BNC1: variants seen among roughly 807,000 people sequenced by gnomAD.
The protein encoded by BNC1 is zinc finger protein basonuclin-1.
A neutral mutation model predicts 66.5 loss-of-function variants in BNC1; 8 were observed. That is an observed-to-expected ratio of 0.12 (90% CI 0.07 to 0.22). The LOEUF (loss-of-function observed/expected upper bound fraction) is 0.22, where lower values mean the gene tolerates loss of function less well. Ranked by LOEUF, BNC1 falls within the 10% of genes least tolerant of loss-of-function variation. The probability of loss-of-function intolerance (pLI) is 1.00; values close to 1 mark genes in which losing one functional copy is unlikely to be tolerated. For missense variants in BNC1, 1,069 were observed against 1,241.3 expected (o/e 0.86, Z 2.09); for synonymous variants, 454 against 452.6 (o/e 1.00, Z -0.04).
At chr15:83,283,930 A>G (rs1052893402) in intron 1 of BNC1, among the ~76,000 whole-genome samples, 1 of 151,960 alleles carries the variant, frequency 6.6e-6, no homozygotes, top group African/African-American at 2.4e-5. Flanking sequence ...GTTGCTCTAC[A>G]AAAGATTTGT....
intron 1 of BNC1, among the ~76,000 whole-genome samples, chr15:83,272,097 G>C (rs1256808345): frequency 6.6e-6 from 1 of 152,144 alleles, no homozygotes; most frequent in African/African-American, 2.4e-5. Flanking sequence ...AATAGCACCA[G>C]TACACTCAGT....
chr15:83,284,463 GC>G, intron 1 of BNC1, 66 bp downstream of exon 1: 1 of 1,032,360 alleles, frequency 9.7e-7, no homozygotes, highest in Non-Finnish European at 1.2e-6. Flanking sequence ...CCGGAGCCCA[GC>G]GGCGTCCCGG....
At chr15:83,278,327 C>T (rs1472344625) in intron 1 of BNC1, among the ~76,000 whole-genome samples, 1 of 152,216 alleles carries the variant, frequency 6.6e-6, no homozygotes, top group East Asian at 1.9e-4. Context: ...CATGGAGATA[C>T]AAAGATGAGT....
chr15:83,261,248 G>C (rs1375767086), intron 4 of BNC1, among the ~76,000 whole-genome samples: 1 of 152,144 alleles, frequency 6.6e-6, no homozygotes, highest in Non-Finnish European at 1.5e-5. Context: ...TGGTGGTTTG[G>C]TTCAACATCC....
intron 1 of BNC1, among the ~76,000 whole-genome samples, chr15:83,274,735 G>A (rs1719911150): frequency 6.6e-6 from 1 of 152,186 alleles, no homozygotes. Flanking sequence ...TTACATGTGA[G>A]ATACTGTACT....
chr15:83,263,825 C>A lies in BNC1; in HGVS notation c.1426G>T (p.Gly476Cys), dbSNP rs986178330. The change falls in exon 4 of 5, where the codon GGT (glycine) becomes TGT (cysteine). Residue 476 changes from glycine (G) to cysteine (C), a missense_variant. This residue lies in a region of BNC1 where 657 missense variants were observed against 715.8 expected (regional missense o/e 0.92). Transcript: ENST00000345382. ...QPAFPNIGQN[G>C]VLFPNLKTVQ... Reference sequence around the variant, plus strand: ...GTCTTTAGGTTGGGAAAAAGCACACCATTTTGCCCAATGTTTGGGAAGGCT... The same window carrying A: ...GTCTTTAGGTTGGGAAAAAGCACACAATTTTGCCCAATGTTTGGGAAGGCT... 2.5e-6 allele frequency: 4 copies of A among 1,614,116 alleles called. No individual in the cohort carries two copies. The highest frequency in any genetic ancestry group is 3.4e-6 in the Non-Finnish European group (4 of 1,180,024).
Position 83,263,542 on chromosome 15 carries a change from T to A in BNC1, c.1709A>T (p.Gln570Leu). The A allele has an allele frequency of 6.2e-7, 1 of 1,614,252 alleles. No individual in the cohort carries two copies. The highest frequency in any genetic ancestry group is 8.5e-7 in the Non-Finnish European group (1 of 1,180,048). The change falls in exon 4 of 5, where the codon CAG becomes CTG. Residue 570 changes from glutamine to leucine, a missense_variant. Around this residue, in one of 7 missense-constraint regions of BNC1, gnomAD observed 657 missense variants for 715.8 expected, o/e 0.92. Coordinates refer to ENST00000345382, the MANE Select transcript of BNC1 (RefSeq NM_001717.4). The part of the protein sequence containing the change: ...NLSSDEDMPL[Q>L]VVSEDEQEAC... ...CTCCTGCTCATCTTCACTGACCACCTGTAGGGGCATGTCTTCATCTGAGCT... is the reference window on the plus strand; with the variant it reads ...CTCCTGCTCATCTTCACTGACCACCAGTAGGGGCATGTCTTCATCTGAGCT...
chr15:83,278,639 C>G (rs1595942874), intron 1 of BNC1, among the ~76,000 whole-genome samples: 1 of 152,114 alleles, frequency 6.6e-6, no homozygotes, highest in Non-Finnish European at 1.5e-5. Flanking sequence ...ATTGATGAGA[C>G]AAAGATTATC....
Position 83,263,836 on chromosome 15 carries a change from A to G in BNC1, c.1415T>C (p.Ile472Thr), listed in dbSNP as rs765338696. 9 of 1,614,046 alleles carry G rather than the reference A, an allele frequency of 5.6e-6. No homozygotes were observed. Among genetic ancestry groups the G allele is most frequent in the South Asian group, 4.4e-5 (4 of 91,076 alleles). The change falls in exon 4 of 5, where the codon ATT becomes ACT. Residue 472 changes from isoleucine to threonine, a missense_variant. Ile to Thr is a moderately conservative substitution (Grantham distance 89). Transcript: ENST00000345382. ...GGGAAAAAGCACACCATTTTGCCCA[A>G]TGTTTGGGAAGGCTGGTTGGCCTTT... Reference protein sequence around the residue: ...DSKGQPAFPNIGQNGVLFPNL... With the variant: ...DSKGQPAFPNTGQNGVLFPNL...
intron 1 of BNC1, among the ~76,000 whole-genome samples, chr15:83,278,615 A>T (rs1024290144): frequency 1.3e-5 from 2 of 152,202 alleles, no homozygotes; most frequent in Non-Finnish European, 2.9e-5. Flanking sequence ...CCTGTATTTC[A>T]GGGTAAAAAA....
Position 83,263,159 on chromosome 15 carries a change from C to G in BNC1, c.2092G>C (p.Glu698Gln). ...ACGTGCTCCAGTTCTTTAGAATCTT[C>G]AAGACAAGGAAAAGCCATTCCCCTG... ...SNRGMAFPCLEDSKELEHVGQ... is the reference protein window; with the variant it reads ...SNRGMAFPCLQDSKELEHVGQ... The change falls in exon 4 of 5, where the codon GAA becomes CAA. Residue 698 changes from glutamate (E) to glutamine (Q), a missense_variant. Glu to Gln is a conservative substitution (Grantham distance 29). Around this residue, in one of 7 missense-constraint regions of BNC1, gnomAD observed 657 missense variants for 715.8 expected, o/e 0.92. Transcript: ENST00000345382. 1 of 1,614,194 alleles carries G rather than the reference C, an allele frequency of 6.2e-7. No individual in the cohort carries two copies. Among genetic ancestry groups the G allele is most frequent in the Non-Finnish European group, 8.5e-7 (1 of 1,180,034 alleles).
intron 1 of BNC1, among the ~76,000 whole-genome samples, chr15:83,275,491 CAAAA>C (rs35785505): frequency 7.2e-5 from 6 of 83,014 alleles, no homozygotes; most frequent in Admixed American, 4.2e-4. Flanking sequence ...GACTCCATCT[CAAAA>C]AAAAAAAAAA....
chr15:83,280,512 T>C (rs567741220), intron 1 of BNC1, among the ~76,000 whole-genome samples: 1 of 152,320 alleles, frequency 6.6e-6, no homozygotes, highest in African/African-American at 2.4e-5. Context: ...AAACATTCTT[T>C]TGGGGACTCA....
In BNC1 at chr15:83,263,765, C is replaced by G; in HGVS notation, c.1486G>C (p.Ala496Pro). The stretch of plus-strand genomic sequence containing the variant: ...GTGTTTGCTACCTCGGCAGGCGTGG[C>G]TGGACTGCGGTAGAAAGGAAGGACT... ...QPVLPFYRSP[A>P]TPAEVANTPG... Residue 496 changes from alanine to proline, a missense_variant, in exon 4 of 5, where the codon GCC becomes CCC. Ala to Pro is a conservative substitution (Grantham distance 27). This residue lies in a region of BNC1 where 657 missense variants were observed against 715.8 expected (regional missense o/e 0.92). Coordinates refer to ENST00000345382, the MANE Select transcript of BNC1 (RefSeq NM_001717.4). 1 of 1,614,148 alleles carries G rather than the reference C, an allele frequency of 6.2e-7. No individual in the cohort carries two copies. Among genetic ancestry groups the G allele is most frequent in the Admixed American group, 1.7e-5 (1 of 60,016 alleles).
intron 1 of BNC1, among the ~76,000 whole-genome samples, chr15:83,273,095 T>C (rs552615015): frequency 2.0e-5 from 3 of 152,216 alleles, no homozygotes; most frequent in Non-Finnish European, 2.9e-5. Context: ...ATTCAATGAA[T>C]GAATGCAGCT....
intron 1 of BNC1, among the ~76,000 whole-genome samples, chr15:83,274,124 C>T (rs1210768874): frequency 7.9e-5 from 12 of 152,154 alleles, no homozygotes; most frequent in Non-Finnish European, 1.8e-4. Flanking sequence ...GTGGCTCACG[C>T]CTGTAATCCC....
At chr15:83,265,285 C>G (rs1444026137) in intron 3 of BNC1, among the ~76,000 whole-genome samples, 2 of 152,168 alleles carry the variant, frequency 1.3e-5, no homozygotes, top group African/African-American at 4.8e-5. Context: ...AAGCAACTAA[C>G]ATCAGAAAAC....
intron 3 of BNC1, among the ~76,000 whole-genome samples, chr15:83,265,445 CTGAGA>C (rs2038207297): frequency 6.6e-6 from 1 of 152,156 alleles, no homozygotes; most frequent in Admixed American, 6.5e-5. Context: ...TGATGGCCTA[CTGAGA>C]TTTTTCACAG....
chr15:83,271,603 G>C (rs1292991963), intron 1 of BNC1, among the ~76,000 whole-genome samples: 1 of 152,126 alleles, frequency 6.6e-6, no homozygotes, highest in African/African-American at 2.4e-5. Context: ...AATTGGTCTT[G>C]GGGGGTGAAA....
Sources: gnomAD v4.1 joint callset for allele counts (sites outside exome capture counted in the v4.1 genomes callset) on GRCh38, gnomAD v4.1.1 for gene constraint, gnomAD v4.1.1 regional missense constraint, MANE v1.5 for transcripts, NCBI Gene and HGNC (gene_info 2026-07-23, HGNC 2026-07-21) for gene names.